MCTP1: variants seen among roughly 807,000 people sequenced by gnomAD.
The protein encoded by MCTP1 is multiple C2 and transmembrane domain containing 1, also known as multiple C2 and transmembrane domain-containing protein 1.
Under a neutral mutation model 120.6 loss-of-function variants are expected in MCTP1, and 69 were observed. The observed-to-expected ratio is 0.57, with a 90% confidence interval of 0.47 to 0.70. MCTP1 has a LOEUF of 0.70. Ranked by LOEUF, MCTP1 falls within the 30% of genes least tolerant of loss-of-function variation. The probability of loss-of-function intolerance (pLI) is 0.00; values close to 1 mark genes in which losing one functional copy is unlikely to be tolerated. For synonymous variants in MCTP1, 529 were observed against 493.1 expected, an observed-to-expected ratio of 1.07 and a Z score of -0.96; for missense variants, 1,203 against 1,248.8, an observed-to-expected ratio of 0.96 and a Z score of 0.55.
At chr5:95,104,379 G>A (rs1210272633) in intron 1 of MCTP1, among the ~76,000 whole-genome samples, 1 of 151,256 alleles carries the variant, frequency 6.6e-6, no homozygotes, top group African/African-American at 2.5e-5. Flanking sequence ...ACTTTGTTAT[G>A]ATTTACCCCA....
intron 1 of MCTP1, among the ~76,000 whole-genome samples, chr5:95,169,824 T>C (rs1217475283): frequency 6.6e-6 from 1 of 152,210 alleles, no homozygotes. Flanking sequence ...CTACCTGTTT[T>C]GTTAATCTTT....
At chr5:94,837,162 G>A (rs1580954473) in intron 17 of MCTP1, among the ~76,000 whole-genome samples, 2 of 152,226 alleles carry the variant, frequency 1.3e-5, no homozygotes, top group Non-Finnish European at 2.9e-5. Context: ...AGGATCACTT[G>A]AGAACACGAG....
chr5:94,867,870 G>T, intron 17 of MCTP1: 1 of 157,444 alleles, frequency 6.4e-6, no homozygotes. Flanking sequence ...ACTTCCAGTT[G>T]AATCACATGT....
intron 12 of MCTP1, among the ~76,000 whole-genome samples, chr5:94,875,817 G>GTCAGA (rs1798752664): frequency 2.6e-5 from 4 of 151,070 alleles, no homozygotes; most frequent in Admixed American, 6.6e-5. Context: ...TCTAGAATCT[G>GTCAGA]ACAAAGAGGA....
intron 11 of MCTP1, among the ~76,000 whole-genome samples, chr5:94,890,396 T>C (rs469067): frequency 0.24 from 36,841 of 152,090 alleles, 4,723 homozygotes; most frequent in Middle Eastern, 0.34. Flanking sequence ...ATTATTTTTT[T>C]CTACTATTTT....
chr5:94,980,695 A>G (rs1829201253), intron 2 of MCTP1: 1 of 152,082 alleles, frequency 6.6e-6, no homozygotes, highest in African/African-American at 2.4e-5. Flanking sequence ...GCACGATTCT[A>G]TATTTGAGGT....
chr5:95,164,370 T>G (rs77799656), intron 1 of MCTP1, among the ~76,000 whole-genome samples: 3,591 of 152,294 alleles, frequency 0.024, 68 homozygotes, highest in African/African-American at 0.052. Context: ...ATAAATGTTT[T>G]GGAATCTTAA....
At chr5:95,144,824 G>A (rs1353342943) in intron 1 of MCTP1, among the ~76,000 whole-genome samples, 9 of 152,002 alleles carry the variant, frequency 5.9e-5, no homozygotes, top group Non-Finnish European at 1.0e-4. Flanking sequence ...TAGTATAGTG[G>A]GAAGTTAGGT....
At chr5:94,974,783 C>T (rs112851362) in intron 2 of MCTP1, among the ~76,000 whole-genome samples, 1,603 of 151,832 alleles carry the variant, frequency 0.011, 27 homozygotes, top group African/African-American at 0.036. Context: ...CAGCTAAAAC[C>T]ATAAGTAATA....
At position 94,706,180 on chromosome 5, in the gene MCTP1, TGTC is replaced by T. The variant is rs1754533010; in HGVS notation, c.*1313_*1315del. Reference sequence around the variant, plus strand: ...TTATTAATAAAGTAGTGCAAAGCATTGTCTGCTGCAATTTCAACTGAGTGTAGT... The same window carrying T: ...TTATTAATAAAGTAGTGCAAAGCATTTGCTGCAATTTCAACTGAGTGTAGT... On this transcript the variant is annotated 3_prime_UTR_variant, in exon 23 of 23. Transcript: ENST00000515393. 1 of 151,630 alleles carries T rather than the reference TGTC, an allele frequency of 6.6e-6. No individual in the cohort carries two copies. The highest frequency in any genetic ancestry group is 2.4e-5 in the African/African-American group (1 of 41,362). The allele number at this position is 151,630 out of a possible 1,614,324, so 9.4% of individuals were successfully genotyped here.
At chr5:95,030,842 T>C (rs1840145642) in intron 1 of MCTP1, among the ~76,000 whole-genome samples, 1 of 151,416 alleles carries the variant, frequency 6.6e-6, no homozygotes, top group African/African-American at 2.4e-5. Context: ...AAAAAACAGA[T>C]AAAGAACTCA....
In MCTP1 at chr5:94,932,011, T is replaced by G. The variant is rs530044791; in HGVS notation, c.1174-20A>C. ...CATTGTCTGTAAATAAAATAAAGCA[T>G]TTTCATTATCTTTTCACTCAAGAAC... On this transcript the variant is annotated intron_variant, in intron 5 of 22. Coordinates refer to ENST00000515393, the MANE Select transcript of MCTP1 (RefSeq NM_024717.7). The G allele has an allele frequency of 2.6e-6, 4 of 1,555,644 alleles. No individual in the cohort carries two copies. In the African/African-American group the frequency reaches 5.4e-5, roughly 21 times the overall value.
At chr5:94,948,565 T>C (rs1161764016) in intron 3 of MCTP1, among the ~76,000 whole-genome samples, 1 of 152,192 alleles carries the variant, frequency 6.6e-6, no homozygotes, top group Non-Finnish European at 1.5e-5. Flanking sequence ...CATCTTACTA[T>C]GAATACCTTG....
chr5:94,839,559 C>T (rs935709174), intron 17 of MCTP1, among the ~76,000 whole-genome samples: 2 of 152,120 alleles, frequency 1.3e-5, no homozygotes, highest in African/African-American at 2.4e-5. Context: ...AATAGAATGT[C>T]TAAGTCACAT....
intron 2 of MCTP1, among the ~76,000 whole-genome samples, chr5:95,006,489 A>G (rs1423676076): frequency 6.6e-6 from 1 of 152,194 alleles, no homozygotes; most frequent in Non-Finnish European, 1.5e-5. Context: ...AAGAAATAAC[A>G]TTAGAATGCA....
intron 1 of MCTP1, among the ~76,000 whole-genome samples, chr5:95,114,799 G>A (rs1757699425): frequency 6.6e-6 from 1 of 152,194 alleles, no homozygotes; most frequent in Admixed American, 6.5e-5. Flanking sequence ...GGCCTTGCAC[G>A]AACATAGGTG....
At chr5:94,988,302 A>G (rs1233565300) in intron 2 of MCTP1, among the ~76,000 whole-genome samples, 1 of 82,128 alleles carries the variant, frequency 1.2e-5, no homozygotes, top group Non-Finnish European at 2.8e-5. Flanking sequence ...ACGTTAACAG[A>G]TATTTAGGCT....
intron 1 of MCTP1, among the ~76,000 whole-genome samples, chr5:95,165,635 C>T (rs1345175544): frequency 1.3e-5 from 2 of 152,214 alleles, no homozygotes; most frequent in African/African-American, 2.4e-5. Context: ...CAGCCACATT[C>T]TCCCTCAATC....
chr5:94,825,589 C>A (rs1235097277), intron 17 of MCTP1, among the ~76,000 whole-genome samples: 1 of 152,022 alleles, frequency 6.6e-6, no homozygotes, highest in Non-Finnish European at 1.5e-5. Context: ...AAGTCCTGAA[C>A]ATCCCTGTTA....
Sources: allele counts gnomAD v4.1 joint callset (sites outside exome capture counted in the v4.1 genomes callset), GRCh38; gene constraint gnomAD v4.1.1; transcripts MANE v1.5; gene names NCBI Gene and HGNC (gene_info 2026-07-23, HGNC 2026-07-21).